MRPL19: variants seen among roughly 807,000 people sequenced by gnomAD.
The protein encoded by MRPL19 is large ribosomal subunit protein bL19m.
In MRPL19, 31 loss-of-function variants were observed where a neutral mutation model predicts 34.0. The observed-to-expected ratio is 0.91, with a 90% CI of 0.68 to 1.23. The LOEUF is 1.23. Ranked by LOEUF, MRPL19 falls within the 50% of genes most tolerant of loss-of-function variation. The probability of loss-of-function intolerance (pLI) is 0.00; values close to 1 mark genes in which losing one functional copy is unlikely to be tolerated. For synonymous variants in MRPL19, 152 were observed against 127.7 expected, an observed-to-expected ratio of 1.19 and a Z score of -1.28; for missense variants, 384 against 367.6, an observed-to-expected ratio of 1.04 and a Z score of -0.37.
chr2:75,646,899 C>G lies in MRPL19; in HGVS notation c.92C>G (p.Ser31Cys). The change falls in exon 1 of 6, where the codon TCT becomes TGT. Residue 31 changes from serine to cysteine, a missense_variant. Transcript: ENST00000393909. ...AGGACTCTGCTCCCCCCGCCGGCCT[C>G]TATCGCCTGCAGTAAGTGGAGCCGG... is the stretch of plus-strand genomic sequence containing the variant. Reference protein sequence around the residue: ...AARTLLPPPASIACRVHAGPV... With the variant: ...AARTLLPPPACIACRVHAGPV... The G allele has an allele frequency of 6.3e-7, 1 of 1,595,580 alleles. No individual in the cohort carries two copies. The highest frequency in any genetic ancestry group is 1.1e-5 in the South Asian group (1 of 87,632).
intron 4 of MRPL19, among the ~76,000 whole-genome samples, chr2:75,653,777 A>G (rs2104133773): frequency 6.6e-6 from 1 of 152,236 alleles, no homozygotes; most frequent in East Asian, 1.9e-4. Flanking sequence ...GCATAAGTTG[A>G]AAGCAGAACT....
rs1240375234 is a variant in MRPL19 at position 75,658,621 on chromosome 2, A to G, written c.*3336A>G. Among the ~76,000 whole-genome samples, 1 of 151,922 alleles carries G rather than the reference A, an allele frequency of 6.6e-6. No individual in the cohort carries two copies. The highest frequency in any genetic ancestry group is 1.5e-5 in the Non-Finnish European group (1 of 67,946). ...ATTTCTACATGTTTATGAATTTCCC[A>G]CTGTTTTTTTGTTATTGATTTCCAA... On this transcript the variant is annotated 3_prime_UTR_variant, in exon 6 of 6. Coordinates refer to ENST00000393909, the MANE Select transcript of MRPL19 (RefSeq NM_014763.4).
intron 4 of MRPL19, 46 bp downstream of exon 4, chr2:75,652,703 A>C: frequency 1.9e-6 from 3 of 1,574,184 alleles, no homozygotes; most frequent in Non-Finnish European, 2.6e-6. Context: ...ATGTTATCTC[A>C]GGATTCCTTT....
In MRPL19 at chr2:75,661,229, T is replaced by G. The variant is rs1678609355; in HGVS notation, c.*5944T>G. On this transcript the variant is annotated 3_prime_UTR_variant, in exon 6 of 6. Transcript: ENST00000393909. ...CAAAGCTTTCTTGCCATTTTAAAGTTGCCTGTTCTTGACTCAGCATTTGCT... is the reference window on the plus strand; with the variant it reads ...CAAAGCTTTCTTGCCATTTTAAAGTGGCCTGTTCTTGACTCAGCATTTGCT... 1 of 152,212 alleles carries G rather than the reference T, an allele frequency of 6.6e-6. No homozygotes were observed. Among genetic ancestry groups the G allele is most frequent in the South Asian group, 2.1e-4 (1 of 4,830 alleles). 9.4% of individuals were successfully genotyped at this position (152,212 alleles called of 1,614,324 possible). A position where few individuals can be genotyped will look rare whatever the true frequency, so the allele number is the denominator to read the frequency against.
chr2:75,655,229 A>G lies in MRPL19; in HGVS notation c.823A>G (p.Thr275Ala), dbSNP rs368495602. The change falls in exon 6 of 6, where the codon ACT becomes GCT. Residue 275 changes from threonine to alanine, a missense_variant. Transcript: ENST00000393909. ...LEFDMMREYD[T>A]SKIEAAIWKE... The stretch of plus-strand genomic sequence containing the variant: ...ATTTGATATGATGAGGGAATATGAT[A>G]CTTCAAAAATTGAAGCTGCAATATG... 4.0e-5 allele frequency: 65 copies of G among 1,613,462 alleles called. No individual in the cohort carries two copies. Among genetic ancestry groups the G allele is most frequent in the Middle Eastern group, 1.7e-4 (1 of 6,050 alleles).
At position 75,660,162 on chromosome 2, in the gene MRPL19, T is replaced by G. The variant is rs1027925025; in HGVS notation, c.*4877T>G. ...AACTCCTCTAGTGAATTTATTTCAG[T>G]TACTGTACTTTTCAGCTCCAAGATT... On this transcript the variant is annotated 3_prime_UTR_variant, in exon 6 of 6. Coordinates refer to ENST00000393909, the MANE Select transcript of MRPL19 (RefSeq NM_014763.4). 1.3e-5 allele frequency among the ~76,000 whole-genome samples: 2 copies of G among 152,152 alleles called. No individual in the cohort carries two copies. Among genetic ancestry groups the G allele is most frequent in the African/African-American group, 4.8e-5 (2 of 41,452 alleles).
In MRPL19 at chr2:75,655,228, T is replaced by C; in HGVS notation, c.822T>C (p.Asp274=). The C allele has an allele frequency of 6.2e-7, 1 of 1,613,476 alleles. No individual in the cohort carries two copies. Among genetic ancestry groups the C allele is most frequent in the Non-Finnish European group, 8.5e-7 (1 of 1,179,724 alleles). ...AATTTGATATGATGAGGGAATATGATACTTCAAAAATTGAAGCTGCAATAT... is the reference window on the plus strand; with the variant it reads ...AATTTGATATGATGAGGGAATATGACACTTCAAAAATTGAAGCTGCAATAT... ...WLEFDMMREY[D]TSKIEAAIWK... The change falls in exon 6 of 6, where the codon GAT becomes GAC. Residue 274 remains aspartate, a synonymous_variant. Coordinates refer to ENST00000393909, the MANE Select transcript of MRPL19 (RefSeq NM_014763.4).
In MRPL19 at chr2:75,655,794, T is replaced by C. The variant is rs1428621997; in HGVS notation, c.*509T>C. 2 of 152,198 alleles carry C rather than the reference T, an allele frequency of 1.3e-5. No individual in the cohort carries two copies. The highest frequency in any genetic ancestry group is 2.9e-5 in the Non-Finnish European group (2 of 68,068). The allele number at this position is 152,198 out of a possible 1,614,324, so 9.4% of individuals were successfully genotyped here. On this transcript the variant is annotated 3_prime_UTR_variant, in exon 6 of 6. Coordinates refer to ENST00000393909, the MANE Select transcript of MRPL19 (RefSeq NM_014763.4). ...CTCCTTTTTAAATGTAAATATCATC[T>C]TGACTTGTTAATTATTCCCTTGCAT... is the stretch of plus-strand genomic sequence containing the variant.
At position 75,652,277 on chromosome 2, in the gene MRPL19, T is replaced by C. The variant is rs777226932; in HGVS notation, c.340+17T>C. The C allele has an allele frequency of 5.9e-5, 88 of 1,481,116 alleles. No homozygotes were observed. The highest frequency in any genetic ancestry group is 6.7e-5 in the Non-Finnish European group (72 of 1,079,376). 91.7% of individuals were successfully genotyped at this position (1,481,116 alleles called of 1,614,324 possible). A position where few individuals can be genotyped will look rare whatever the true frequency, so the allele number is the denominator to read the frequency against. On this transcript the variant is annotated intron_variant, in intron 3 of 5. Transcript: ENST00000393909. ...TCTATGTTGGTCAGTAAGAGCTGTA[T>C]GTTTTTATTATTAGTAATTAGGATG...
Position 75,656,216 on chromosome 2 carries a change from AGT to A in MRPL19, c.*934_*935del, listed in dbSNP as rs1215652871. On this transcript the variant is annotated 3_prime_UTR_variant, in exon 6 of 6. Transcript: ENST00000393909. ...AAAACAATACCTTTGGTATGATATG[AGT>A]GTTGTTGCTGATCCATGCAGCATGG... 7.2e-5 allele frequency: 11 copies of A among 152,134 alleles called. No homozygotes were observed. The highest frequency in any genetic ancestry group is 2.7e-4 in the African/African-American group (11 of 41,418). 9.4% of individuals were successfully genotyped at this position (152,134 alleles called of 1,614,324 possible). A position where few individuals can be genotyped will look rare whatever the true frequency, so the allele number is the denominator to read the frequency against.
rs1434157135 is a variant in MRPL19 at position 75,646,800 on chromosome 2, T to C, written c.-8T>C. 1 of 1,505,206 alleles carries C rather than the reference T, an allele frequency of 6.6e-7. No individual in the cohort carries two copies. Among genetic ancestry groups the C allele is most frequent in the Non-Finnish European group, 8.9e-7 (1 of 1,125,540 alleles). The allele number at this position is 1,505,206 out of a possible 1,614,324, so 93.2% of individuals were successfully genotyped here. A position where few individuals can be genotyped will look rare whatever the true frequency, so the allele number is the denominator to read the frequency against. On this transcript the variant is annotated 5_prime_UTR_variant, in exon 1 of 6. Transcript: ENST00000393909. ...TGGGAGCTGTAGTCTTGACGTGAGC[T>C]AGCTGGCATGGCGGCCTGCATTGCA...
chr2:75,652,378 A>C (rs1678351740), intron 3 of MRPL19, 118 bp downstream of exon 3: 1 of 1,291,016 alleles, frequency 7.7e-7, no homozygotes, highest in African/African-American at 1.5e-5. Flanking sequence ...GGTTATGCTC[A>C]TATGAAGTAT....
rs1347798964 is a variant in MRPL19, at chr2:75,654,837, G to A, written c.577G>A (p.Ala193Thr). 1 of 1,613,726 alleles carries A rather than the reference G, an allele frequency of 6.2e-7. No homozygotes were observed. Among genetic ancestry groups the A allele is most frequent in the African/African-American group, 1.3e-5 (1 of 74,866 alleles). Residue 193 changes from alanine (A) to threonine (T), a missense_variant, in exon 5 of 6, where the codon GCC becomes ACC. Ala to Thr is a moderately conservative substitution (Grantham distance 58). Coordinates refer to ENST00000393909, the MANE Select transcript of MRPL19 (RefSeq NM_014763.4). Reference protein sequence around the residue: ...LDDSLLYLRDALPEYSTFDVN... With the variant: ...LDDSLLYLRDTLPEYSTFDVN... ...TGATAGCTTGCTATACTTACGAGAT[G>A]CCCTTCCTGAATATAGCACTTTTGA...
At chr2:75,651,459 A>T in intron 2 of MRPL19, 3 of 534,420 alleles carry the variant, frequency 5.6e-6, no homozygotes, top group East Asian at 5.4e-5. Flanking sequence ...TGATTCCATC[A>T]AAGGAAGAGC....
At chr2:75,651,175 A>C (rs1678323700) in intron 2 of MRPL19, 1 of 361,384 alleles carries the variant, frequency 2.8e-6, no homozygotes, top group South Asian at 2.1e-5. Context: ...GGATAGGAAA[A>C]TCAGCATCCT....
chr2:75,654,143 G>C (rs1389453595), intron 4 of MRPL19, among the ~76,000 whole-genome samples: 2 of 152,132 alleles, frequency 1.3e-5, no homozygotes, highest in South Asian at 2.1e-4. Flanking sequence ...GGCAGGTTTT[G>C]TATTTGGTGA....
At position 75,660,070 on chromosome 2, in the gene MRPL19, T is replaced by C. The variant is rs1678570800; in HGVS notation, c.*4785T>C. 6.6e-6 allele frequency among the ~76,000 whole-genome samples: 1 copy of C among 152,188 alleles called. No individual in the cohort carries two copies. The highest frequency in any genetic ancestry group is 2.4e-5 in the African/African-American group (1 of 41,468). On this transcript the variant is annotated 3_prime_UTR_variant, in exon 6 of 6. Coordinates refer to ENST00000393909, the MANE Select transcript of MRPL19 (RefSeq NM_014763.4). Reference sequence around the variant, plus strand: ...TCTTTTGTTCCTCAGACTTGATTATTGCAGTTGCCCTTCTTTTTATTTTTT... The same window carrying C: ...TCTTTTGTTCCTCAGACTTGATTATCGCAGTTGCCCTTCTTTTTATTTTTT...
In MRPL19 at chr2:75,657,391, G is replaced by C. The variant is rs186882563; in HGVS notation, c.*2106G>C. Reference sequence around the variant, plus strand: ...GAGGGGTCTGTCCAGGAAGGAGATTGTCTAGGGGTCTGTCAGACAGCAGCT... The same window carrying C: ...GAGGGGTCTGTCCAGGAAGGAGATTCTCTAGGGGTCTGTCAGACAGCAGCT... On this transcript the variant is annotated 3_prime_UTR_variant, in exon 6 of 6. Transcript: ENST00000393909. The C allele has an allele frequency of 6.6e-6, 1 of 152,178 alleles. No individual in the cohort carries two copies. The highest frequency in any genetic ancestry group is 1.9e-4 in the East Asian group (1 of 5,164). 9.4% of individuals were successfully genotyped at this position (152,178 alleles called of 1,614,324 possible).
chr2:75,651,489 C>A, intron 2 of MRPL19: 1 of 522,524 alleles, frequency 1.9e-6, no homozygotes, highest in Non-Finnish European at 3.9e-6. Flanking sequence ...CATATACCAT[C>A]TCAGTTACTC....
Sources: gnomAD v4.1 joint callset for allele counts (sites outside exome capture counted in the v4.1 genomes callset) on GRCh38, gnomAD v4.1.1 for gene constraint, MANE v1.5 for transcripts, NCBI Gene and HGNC (gene_info 2026-07-23, HGNC 2026-07-21) for gene names.